Variants in IRAK3 observed in about 807,000 individuals in gnomAD.
IRAK3 encodes the protein interleukin 1 receptor associated kinase 3.
In IRAK3, 57 loss-of-function variants were observed where a neutral mutation model predicts 56.6. The ratio of observed to expected loss-of-function variants is 1.01; its 90% CI spans 0.81 to 1.26. The LOEUF (loss-of-function observed/expected upper bound fraction) is 1.26, where lower values mean the gene tolerates loss of function less well. Among genes scored for constraint, IRAK3 ranks in the 50% most tolerant of loss-of-function variants. The pLI is 0.00. For missense variants in IRAK3, 703 were observed against 719.0 expected, an observed-to-expected ratio of 0.98 and a Z score of 0.25; for synonymous variants, 258 against 255.7, an observed-to-expected ratio of 1.01 and a Z score of -0.09.
intron 3 of IRAK3, 92 bp from the exon 4 acceptor site, chr12:66,210,055 A>G: frequency 1.2e-6 from 1 of 828,542 alleles, no homozygotes; most frequent in South Asian, 1.4e-5. Context: ...GTTGCACTGC[A>G]TAGTCCCCAG....
chr12:66,191,885 G>A (rs916607914), intron 1 of IRAK3, among the ~76,000 whole-genome samples: 1 of 152,176 alleles, frequency 6.6e-6, no homozygotes, highest in Admixed American at 6.5e-5. Context: ...AAGCTCTCTC[G>A]AGCCGATCGT....
At chr12:66,211,372 A>G in intron 4 of IRAK3, 74 bp from the exon 5 acceptor site, 6 of 1,143,026 alleles carry the variant, frequency 5.2e-6, no homozygotes, top group Non-Finnish European at 7.9e-6. Flanking sequence ...ATTTGTTTCT[A>G]ATATAGAAAT....
At chr12:66,214,693 T>TA (rs1375201602) in intron 5 of IRAK3, among the ~76,000 whole-genome samples, 2 of 152,050 alleles carry the variant, frequency 1.3e-5, no homozygotes, top group African/African-American at 2.4e-5. Context: ...AGGAGCTTTT[T>TA]AAAAAAATGA....
In IRAK3 at chr12:66,237,406, C is replaced by T. The variant is rs139000729; in HGVS notation, c.888-7080C>T. On this transcript the variant is annotated intron_variant, in intron 8 of 11. Transcript: ENST00000261233. Reference sequence around the variant, plus strand: ...GTGGAGCTAAAATCCTGTGACTTGCCCATTTGCCGCTGGAATTATCTATAT... The same window carrying T: ...GTGGAGCTAAAATCCTGTGACTTGCTCATTTGCCGCTGGAATTATCTATAT... 4.6e-5 allele frequency among the ~76,000 whole-genome samples: 7 copies of T among 152,084 alleles called. No homozygotes were observed. In the East Asian group the frequency reaches 1.4e-3, roughly 29 times the overall value.
chr12:66,219,129 T>G (rs1283536698), intron 6 of IRAK3, among the ~76,000 whole-genome samples: 1 of 152,192 alleles, frequency 6.6e-6, no homozygotes, highest in African/African-American at 2.4e-5. Context: ...TGTCTATGTC[T>G]TGGTTACTGT....
chr12:66,197,202 A>T, intron 1 of IRAK3: 1 of 1,257,062 alleles, frequency 8.0e-7, no homozygotes, highest in Non-Finnish European at 1.0e-6. Context: ...AACTAACAGC[A>T]TGTTTTTCTT....
At position 66,241,634 on chromosome 12, in the gene IRAK3, G is replaced by A. The variant is rs555536452; in HGVS notation, c.888-2852G>A. On this transcript the variant is annotated intron_variant, in intron 8 of 11. Coordinates refer to ENST00000261233, the MANE Select transcript of IRAK3 (RefSeq NM_007199.3). ...CTCAGCTACCGCTAACCTTTATTTA[G>A]AACAGAATAAATCACTGGACTCAAA... Among the ~76,000 whole-genome samples the A allele has an allele frequency of 2.6e-5, 4 of 152,254 alleles. No individual in the cohort carries two copies. The South Asian group carries it at 6.2e-4, about 24-fold the overall frequency.
chr12:66,191,233 C>G (rs2052396077), intron 1 of IRAK3, among the ~76,000 whole-genome samples: 1 of 152,106 alleles, frequency 6.6e-6, no homozygotes, highest in Admixed American at 6.5e-5. Flanking sequence ...AATTGGCTTT[C>G]TCTGGTTGGC....
intron 1 of IRAK3, among the ~76,000 whole-genome samples, chr12:66,202,394 A>G (rs2052516609): frequency 6.6e-6 from 1 of 152,176 alleles, no homozygotes; most frequent in South Asian, 2.1e-4. Context: ...CCAGTCCTGG[A>G]AAGGGGAAAA....
chr12:66,196,623 G>A (rs1383891410), intron 1 of IRAK3, among the ~76,000 whole-genome samples: 1 of 152,122 alleles, frequency 6.6e-6, no homozygotes, highest in Non-Finnish European at 1.5e-5. Flanking sequence ...GCAGTTATGA[G>A]TCCTACTCAG....
chr12:66,235,285 CATCGCTGCGGGCCGCG>C, intron 8 of IRAK3: 1 of 1,471,634 alleles, frequency 6.8e-7, no homozygotes, highest in Non-Finnish European at 9.0e-7. Flanking sequence ...TGGGGAAGAT[CATCGCTGCGGGCCGCG>C]GCGGCGGGCG....
intron 8 of IRAK3, among the ~76,000 whole-genome samples, chr12:66,236,789 G>A (rs2052913033): frequency 6.6e-6 from 1 of 152,120 alleles, no homozygotes; most frequent in African/African-American, 2.4e-5. Flanking sequence ...ACAGGAGAAC[G>A]TGACCCTGTA....
At chr12:66,225,939 A>C (rs937597179) in intron 6 of IRAK3, among the ~76,000 whole-genome samples, 16 of 152,210 alleles carry the variant, frequency 1.1e-4, no homozygotes, top group African/African-American at 3.6e-4. Flanking sequence ...AGTAGTGCTC[A>C]ATAAGTGGAT....
At chr12:66,229,961 T>C (rs536015387) in intron 8 of IRAK3, among the ~76,000 whole-genome samples, 1 of 152,322 alleles carries the variant, frequency 6.6e-6, no homozygotes, top group South Asian at 2.1e-4. Flanking sequence ...TCCTTTTGTG[T>C]GACTGAGTTC....
At chr12:66,236,330 C>T (rs538153412) in intron 8 of IRAK3, among the ~76,000 whole-genome samples, 2 of 147,618 alleles carry the variant, frequency 1.4e-5, no homozygotes, top group South Asian at 2.1e-4. Context: ...AGGCAGATCA[C>T]TTGAGGTCAG....
At chr12:66,196,837 G>C (rs1282412818) in intron 1 of IRAK3, 1 of 1,452,934 alleles carries the variant, frequency 6.9e-7, no homozygotes, top group Admixed American at 2.9e-5. Flanking sequence ...TTTTTTGCAT[G>C]CTTTGTAGAA....
chr12:66,190,348 T>C (rs1238900496), intron 1 of IRAK3, among the ~76,000 whole-genome samples: 1 of 151,786 alleles, frequency 6.6e-6, no homozygotes, highest in African/African-American at 2.4e-5. Context: ...AAAATGTTTA[T>C]ATATTTTAAG....
intron 8 of IRAK3, among the ~76,000 whole-genome samples, chr12:66,236,576 A>G (rs542637993): frequency 2.0e-5 from 3 of 152,138 alleles, no homozygotes; most frequent in South Asian, 2.1e-4. Flanking sequence ...TAAAAAAAAA[A>G]AAGGAAAAGA....
chr12:66,222,831 A>G (rs7308558), intron 6 of IRAK3, among the ~76,000 whole-genome samples: 16 of 152,160 alleles, frequency 1.1e-4, no homozygotes, highest in Non-Finnish European at 1.5e-4. Context: ...TGGTTTTAAT[A>G]TAGGTAATTT....
Sources: gnomAD v4.1 joint callset for allele counts (sites outside exome capture counted in the v4.1 genomes callset) on GRCh38, gnomAD v4.1.1 for gene constraint, MANE v1.5 for transcripts, NCBI Gene and HGNC (gene_info 2026-07-23, HGNC 2026-07-21) for gene names.